The following CNTN5 variants were observed in gnomAD, a reference collection of about 807,000 sequenced individuals.
CNTN5 encodes the protein contactin-5.
CNTN5 carries 77 observed loss-of-function variants against 129.1 expected under a neutral mutation model. That is an observed-to-expected ratio of 0.60 (90% CI 0.50 to 0.72). CNTN5 has a LOEUF of 0.72. CNTN5 is among the 30% of genes least tolerant of loss of function. The pLI is 0.00. For synonymous variants in CNTN5, 509 were observed against 465.6 expected, an observed-to-expected ratio of 1.09 and a Z score of -1.20; for missense variants, 1,478 against 1,328.8, an observed-to-expected ratio of 1.11 and a Z score of -1.75.
chr11:99,338,992 T>TAC (rs150545076), intron 2 of CNTN5, among the ~76,000 whole-genome samples: 29 of 136,462 alleles, frequency 2.1e-4, no homozygotes, highest in South Asian at 4.4e-4. Flanking sequence ...TATATATATA[T>TAC]ATAGTGTCCA....
chr11:99,639,559 G>GTTTTTTTTTTTTTTTTTTTTTTTTTTTTT (rs71050010), intron 3 of CNTN5, among the ~76,000 whole-genome samples: 3 of 70,322 alleles, frequency 4.3e-5, no homozygotes, highest in African/African-American at 5.6e-5. Flanking sequence ...TCACCTTTAT[G>GTTTTTTTTTTTTTTTTTTTTTTTTTTTTT]TTTTTTTTTT....
At chr11:100,037,209 G>A (rs1402489259) in intron 9 of CNTN5, among the ~76,000 whole-genome samples, 1 of 142,326 alleles carries the variant, frequency 7.0e-6, no homozygotes, top group Non-Finnish European at 1.5e-5. Context: ...GGCCTTTTCT[G>A]CATCTATTGA....
chr11:99,208,674 A>T (rs1565404093), intron 1 of CNTN5, among the ~76,000 whole-genome samples: 1 of 152,144 alleles, frequency 6.6e-6, no homozygotes, highest in Non-Finnish European at 1.5e-5. Context: ...GGAAACTCTC[A>T]GTTTTCAAAT....
intron 3 of CNTN5, among the ~76,000 whole-genome samples, chr11:99,590,740 G>A (rs1177204279): frequency 1.3e-5 from 2 of 152,158 alleles, no homozygotes; most frequent in African/African-American, 4.8e-5. Context: ...ACTATAGTAA[G>A]CAAAGGGAAC....
intron 8 of CNTN5, among the ~76,000 whole-genome samples, chr11:100,001,051 A>AT (rs1678221125): frequency 6.6e-6 from 1 of 152,174 alleles, no homozygotes; most frequent in Admixed American, 6.5e-5. Context: ...GATCTCTGAA[A>AT]TTCCATGGAG....
chr11:99,632,415 G>T (rs1219631559), intron 3 of CNTN5, among the ~76,000 whole-genome samples: 2 of 152,050 alleles, frequency 1.3e-5, no homozygotes, highest in Non-Finnish European at 1.5e-5. Flanking sequence ...AAGTACAGGG[G>T]TTGGAACAGT....
intron 1 of CNTN5, among the ~76,000 whole-genome samples, chr11:99,208,406 G>C (rs1490354307): frequency 6.6e-6 from 1 of 152,042 alleles, no homozygotes; most frequent in Non-Finnish European, 1.5e-5. Context: ...CTTTACTCCT[G>C]CTTATGAGAA....
intron 8 of CNTN5, among the ~76,000 whole-genome samples, chr11:99,976,045 C>T (rs953304416): frequency 7.9e-5 from 12 of 152,186 alleles, no homozygotes; most frequent in African/African-American, 2.4e-4. Flanking sequence ...TGCTCCCATA[C>T]CAAAAGGGAG....
intron 3 of CNTN5, among the ~76,000 whole-genome samples, chr11:99,693,473 T>C (rs1475931336): frequency 6.6e-6 from 1 of 151,686 alleles, no homozygotes; most frequent in African/African-American, 2.4e-5. Flanking sequence ...ATTGAGGGGT[T>C]GAAGGATGAG....
intron 15 of CNTN5, among the ~76,000 whole-genome samples, chr11:100,195,139 G>T (rs192284841): frequency 2.0e-5 from 3 of 151,920 alleles, no homozygotes; most frequent in Admixed American, 2.0e-4. Flanking sequence ...TTGTAAAACA[G>T]ACCAAGAAAA....
intron 3 of CNTN5, among the ~76,000 whole-genome samples, chr11:99,601,340 T>C (rs1950306585): frequency 6.6e-6 from 1 of 152,194 alleles, no homozygotes. Flanking sequence ...CTTTGTTTTC[T>C]TTCCTTCGGG....
At chr11:100,199,309 T>G (rs1295691494) in intron 15 of CNTN5, among the ~76,000 whole-genome samples, 1 of 151,912 alleles carries the variant, frequency 6.6e-6, no homozygotes, top group Non-Finnish European at 1.5e-5. Context: ...AGCGCTACCC[T>G]TTCCCTATCT....
chr11:99,169,965 C>T (rs142251006), intron 1 of CNTN5, among the ~76,000 whole-genome samples: 48 of 151,882 alleles, frequency 3.2e-4, no homozygotes, highest in Non-Finnish European at 5.0e-4. Flanking sequence ...TAATGTATAA[C>T]GAAAATTAAT....
At chr11:99,315,613 C>T (rs748688572) in intron 1 of CNTN5, among the ~76,000 whole-genome samples, 1 of 149,186 alleles carries the variant, frequency 6.7e-6, no homozygotes, top group Non-Finnish European at 1.5e-5. Flanking sequence ...TGTTTTATTT[C>T]GCTTTAGCCA....
intron 9 of CNTN5, among the ~76,000 whole-genome samples, chr11:100,018,559 G>A (rs949473491): frequency 3.3e-5 from 5 of 151,846 alleles, no homozygotes; most frequent in Admixed American, 6.6e-5. Context: ...CACCATGCGT[G>A]CATCTGTGCA....
At chr11:100,127,339 A>G (rs556709998) in intron 13 of CNTN5, among the ~76,000 whole-genome samples, 15 of 152,076 alleles carry the variant, frequency 9.9e-5, no homozygotes, top group South Asian at 8.3e-4. Context: ...TGCCTGGAAA[A>G]GATGATGATA....
chr11:100,167,861 A>C (rs1373470762), intron 13 of CNTN5, among the ~76,000 whole-genome samples: 1 of 152,008 alleles, frequency 6.6e-6, no homozygotes, highest in East Asian at 1.9e-4. Context: ...TGTGGCAGAC[A>C]GTTAGCCAAG....
intron 1 of CNTN5, among the ~76,000 whole-genome samples, chr11:99,287,887 AGAT>A (rs1864008145): frequency 6.6e-6 from 1 of 151,996 alleles, no homozygotes; most frequent in East Asian, 1.9e-4. Context: ...AGAGGAAAGA[AGAT>A]AAATGAAAAA....
intron 9 of CNTN5, among the ~76,000 whole-genome samples, chr11:100,034,709 T>TG (rs1331430753): frequency 1.3e-5 from 2 of 152,196 alleles, no homozygotes; most frequent in African/African-American, 4.8e-5. Context: ...CTTAGGTACT[T>TG]GCAATAGAGA....
Sources: allele counts gnomAD v4.1 joint callset (sites outside exome capture counted in the v4.1 genomes callset), GRCh38; gene constraint gnomAD v4.1.1; transcripts MANE v1.5; gene names NCBI Gene and HGNC (gene_info 2026-07-23, HGNC 2026-07-21).